Variants in AOPEP observed in about 807,000 individuals in gnomAD.
AOPEP encodes aminopeptidase O (putative), also known as aminopeptidase O.
In AOPEP, 77 loss-of-function variants were observed where a neutral mutation model predicts 98.1. The observed-to-expected ratio is 0.78, with a 90% CI of 0.65 to 0.95. AOPEP has a LOEUF of 0.95. Among genes scored for constraint, AOPEP ranks in the 40% least tolerant of loss-of-function variants. The pLI is 0.00. For missense variants in AOPEP, 1,024 were observed against 1,024.7 expected, an observed-to-expected ratio of 1.00 and a Z score of 0.01; for synonymous variants, 346 against 365.3, an observed-to-expected ratio of 0.95 and a Z score of 0.60.
At chr9:94,851,969 G>A (rs2043605021) in intron 5 of AOPEP, among the ~76,000 whole-genome samples, 1 of 151,842 alleles carries the variant, frequency 6.6e-6, no homozygotes, top group Non-Finnish European at 1.5e-5. Flanking sequence ...CATAGCCAGA[G>A]GGAAAGACAG....
At chr9:95,112,703 A>G in the AOPEP span, among the ~76,000 whole-genome samples, 1 of 152,214 alleles carries the variant, frequency 6.6e-6, no homozygotes, top group African/African-American at 2.4e-5. Flanking sequence ...CCAGGTTGGC[A>G]GCGTGACTGG....
chr9:94,767,877 G>T (rs910711313), intron 2 of AOPEP, among the ~76,000 whole-genome samples: 2 of 152,156 alleles, frequency 1.3e-5, no homozygotes, highest in Non-Finnish European at 2.9e-5. Flanking sequence ...AATTGTGCCC[G>T]GAAGTAGAAA....
rs1030656700 is a variant in AOPEP at position 94,773,084 on chromosome 9, T to C, written c.880T>C (p.Trp294Arg). ...CQEPPVAMSTWQATVRAAASF... is the reference protein window; with the variant it reads ...CQEPPVAMSTRQATVRAAASF... ...GGAGCCACCCGTTGCCATGTCAACA[T>C]GGCAGGCTACAGTTCGAGCAGCTGC... The change falls in exon 3 of 17, where the codon TGG becomes CGG. Residue 294 changes from tryptophan (W) to arginine (R), a missense_variant. This residue lies in a region of AOPEP where 440 missense variants were observed against 433.8 expected (regional missense o/e 1.01). Coordinates refer to ENST00000375315, the MANE Select transcript of AOPEP (RefSeq NM_001193329.3). 2 of 1,614,178 alleles carry C rather than the reference T, an allele frequency of 1.2e-6. No individual in the cohort carries two copies. The highest frequency in any genetic ancestry group is 1.7e-6 in the Non-Finnish European group (2 of 1,180,026).
chr9:94,760,650 T>A, intron 2 of AOPEP, 70 bp downstream of exon 2: 1 of 1,264,056 alleles, frequency 7.9e-7, no homozygotes, highest in Non-Finnish European at 1.1e-6. Flanking sequence ...CTTTCAAACA[T>A]GAGACCGGCT....
intron 5 of AOPEP, among the ~76,000 whole-genome samples, chr9:94,884,791 C>T (rs2135928827): frequency 6.6e-6 from 1 of 151,594 alleles, no homozygotes; most frequent in African/African-American, 2.4e-5. Context: ...GCGGGCGGAT[C>T]ACGAGGTCAG....
chr9:94,932,163 A>G (rs766881336), intron 7 of AOPEP: 2 of 992,522 alleles, frequency 2.0e-6, no homozygotes, highest in Non-Finnish European at 2.4e-6. Context: ...CAAACAAAAA[A>G]CCTGCAGGTA....
At chr9:94,960,385 T>C (rs1048989508) in intron 9 of AOPEP, among the ~76,000 whole-genome samples, 1 of 149,264 alleles carries the variant, frequency 6.7e-6, no homozygotes, top group Non-Finnish European at 1.5e-5. Flanking sequence ...CACTCCAGCC[T>C]GGGACAGAAC....
At position 95,086,981 on chromosome 9, in the gene AOPEP, T is replaced by G; in HGVS notation, c.*304T>G. ...GATGATTAAATATATCCAAGAGACA[T>G]TGGAAAACCTGCTGAACATTTTACA... On this transcript the variant is annotated 3_prime_UTR_variant, in exon 17 of 17. Transcript: ENST00000375315. 1 of 982,784 alleles carries G rather than the reference T, an allele frequency of 1.0e-6. No homozygotes were observed. The highest frequency in any genetic ancestry group is 1.2e-6 in the Non-Finnish European group (1 of 825,990). 60.9% of individuals were successfully genotyped at this position (982,784 alleles called of 1,614,324 possible). A position where few individuals can be genotyped will look rare whatever the true frequency, so the allele number is the denominator to read the frequency against.
At chr9:95,089,472 C>T (rs928461551), downstream of AOPEP, among the ~76,000 whole-genome samples, 9 of 152,352 alleles carry the variant, frequency 5.9e-5, no homozygotes, top group Non-Finnish European at 1.0e-4. Flanking sequence ...GTGGATTCAT[C>T]TGCCAAGTGG....
chr9:94,930,930 T>C lies in AOPEP; in HGVS notation c.1661+2399T>C, dbSNP rs1280692566. ...CAGGTAGGGCGCCCAGGAGCATGCT[T>C]ACCTGCGAGCTGCCTCACTGTGCAA... On this transcript the variant is annotated intron_variant, in intron 7 of 16. Transcript: ENST00000375315. The surrounding 1 kb of genome is among the most constrained non-coding windows in gnomAD (Gnocchi z 4.5). 1.3e-5 allele frequency among the ~76,000 whole-genome samples: 2 copies of C among 152,108 alleles called. No individual in the cohort carries two copies. Among genetic ancestry groups the C allele is most frequent in the Non-Finnish European group, 2.9e-5 (2 of 68,006 alleles).
intron 2 of AOPEP, among the ~76,000 whole-genome samples, chr9:94,763,880 A>C (rs752064670): frequency 2.0e-5 from 3 of 152,230 alleles, no homozygotes; most frequent in Non-Finnish European, 2.9e-5. Flanking sequence ...TGAATAAATA[A>C]ACAAATGAGG....
At chr9:95,134,772 A>G in the AOPEP span, among the ~76,000 whole-genome samples, 4 of 152,186 alleles carry the variant, frequency 2.6e-5, no homozygotes, top group African/African-American at 7.2e-5. Flanking sequence ...CTGGGCCAGG[A>G]GGTGGATGTC....
intron 5 of AOPEP, among the ~76,000 whole-genome samples, chr9:94,857,910 G>T (rs1459737683): frequency 8.6e-5 from 13 of 152,046 alleles, no homozygotes; most frequent in Non-Finnish European, 1.9e-4. Context: ...TAAGTGCTGG[G>T]CTTTGAAGCA....
At chr9:94,802,074 A>T (rs1185380007) in intron 5 of AOPEP, among the ~76,000 whole-genome samples, 1 of 152,180 alleles carries the variant, frequency 6.6e-6, no homozygotes, top group Non-Finnish European at 1.5e-5. Flanking sequence ...ATGTTTATGA[A>T]GATAATGGGA....
chr9:95,087,482 CAAAAAAAAAAAA>C (rs746666179), downstream of AOPEP, among the ~76,000 whole-genome samples: 5 of 37,434 alleles, frequency 1.3e-4, no homozygotes, highest in South Asian at 2.5e-3. Context: ...GACTCCATCT[CAAAAAAAAAAAA>C]AAAAAAAAAA....
intron 7 of AOPEP, chr9:94,928,869 A>C: frequency 4.6e-6 from 1 of 218,682 alleles, no homozygotes; most frequent in Non-Finnish European, 9.0e-6. Flanking sequence ...TAAACCTATA[A>C]AGCCAAAGGG....
At chr9:94,905,280 G>T (rs1406672012) in intron 5 of AOPEP, among the ~76,000 whole-genome samples, 1 of 152,136 alleles carries the variant, frequency 6.6e-6, no homozygotes, top group Non-Finnish European at 1.5e-5. Flanking sequence ...TCAATAACAA[G>T]CTCAAGAGCA....
At chr9:94,800,663 T>C (rs932731234) in intron 4 of AOPEP, 94 bp from the exon 5 acceptor site, 6 of 1,313,862 alleles carry the variant, frequency 4.6e-6, no homozygotes, top group South Asian at 3.8e-5. Flanking sequence ...TCTGAACCTC[T>C]GTCTCCTAAA....
the AOPEP span, among the ~76,000 whole-genome samples, chr9:95,133,027 G>A: frequency 6.6e-6 from 1 of 152,254 alleles, no homozygotes; most frequent in East Asian, 1.9e-4. Context: ...CTGGAGCACA[G>A]CGCAGCAGTC....
Sources: allele counts gnomAD v4.1 joint callset (sites outside exome capture counted in the v4.1 genomes callset), GRCh38; gene constraint gnomAD v4.1.1; regional missense constraint gnomAD v4.1.1; non-coding constraint Gnocchi (gnomAD v3.1); transcripts MANE v1.5; gene names NCBI Gene and HGNC (gene_info 2026-07-23, HGNC 2026-07-21).